The following ATP10A variants were observed in gnomAD, a reference collection of about 807,000 sequenced individuals.
ATP10A encodes the protein phospholipid-transporting ATPase VA.
In ATP10A, 111 loss-of-function variants were observed where a neutral mutation model predicts 147.8. That is an observed-to-expected ratio of 0.75 (90% CI 0.64 to 0.88). The LOEUF (loss-of-function observed/expected upper bound fraction) is 0.88. ATP10A is among the 40% of genes least tolerant of loss of function. ATP10A has a pLI of 0.00. For missense variants in ATP10A, 1,927 were observed against 1,959.0 expected, an observed-to-expected ratio of 0.98 and a Z score of 0.31; for synonymous variants, 875 against 841.6, an observed-to-expected ratio of 1.04 and a Z score of -0.69.
At position 25,702,073 on chromosome 15, in the gene ATP10A, T is replaced by C; in HGVS notation, c.2603A>G (p.Gln868Arg). 1 of 1,613,382 alleles carries C rather than the reference T, an allele frequency of 6.2e-7. No individual in the cohort carries two copies. The highest frequency in any genetic ancestry group is 2.2e-5 in the East Asian group (1 of 44,878). The change falls in exon 13 of 21, where the codon CAG becomes CGG. Residue 868 changes from glutamine (Q) to arginine (R), a missense_variant. Physicochemically the swap from Gln to Arg is conservative, Grantham distance 43. Transcript: ENST00000555815. ...AGAAATAGTTTCAGGGACTCCGTCC[T>C]GCAGGCGGTCTTCAATCCCAGTGGC... ...LGATGIEDRL[Q>R]DGVPETISKL...
At chr15:25,861,419 A>G (rs1240265010) in intron 1 of ATP10A, among the ~76,000 whole-genome samples, 1 of 152,136 alleles carries the variant, frequency 6.6e-6, no homozygotes, top group Non-Finnish European at 1.5e-5. Context: ...ACCTCTCTGA[A>G]CCCGTTTACT....
At chr15:25,830,019 A>G (rs1432871773) in intron 1 of ATP10A, among the ~76,000 whole-genome samples, 1 of 152,100 alleles carries the variant, frequency 6.6e-6, no homozygotes, top group Non-Finnish European at 1.5e-5. Context: ...TGGTTAGGGT[A>G]AGCTAGGAGG....
At position 25,787,981 on chromosome 15, in the gene ATP10A, C is replaced by T. The variant is rs139707200; in HGVS notation, c.450-6758G>A. Among the ~76,000 whole-genome samples the T allele has an allele frequency of 9.8e-4, 149 of 152,278 alleles. No homozygotes were observed. The East Asian group carries it at 0.025, about 25-fold the overall frequency. The stretch of plus-strand genomic sequence containing the variant: ...ACTTCCCTCTGGGCTAAACAAGCCA[C>T]TGAGAGAGTTCCCGCTAGGGCAGGG... On this transcript the variant is annotated intron_variant, in intron 1 of 20. Transcript: ENST00000555815.
At chr15:25,732,927 G>C (rs916089806) in intron 3 of ATP10A, among the ~76,000 whole-genome samples, 1 of 152,080 alleles carries the variant, frequency 6.6e-6, no homozygotes, top group Non-Finnish European at 1.5e-5. Context: ...CTGTGAGGTT[G>C]ACAGGCAGTC....
At chr15:25,767,578 G>A (rs1251247568) in intron 2 of ATP10A, among the ~76,000 whole-genome samples, 5 of 152,210 alleles carry the variant, frequency 3.3e-5, no homozygotes, top group South Asian at 2.1e-4. Flanking sequence ...TTATCTCAGC[G>A]TGGTGGTTCT....
At chr15:25,775,708 G>T (rs559609381) in intron 2 of ATP10A, among the ~76,000 whole-genome samples, 2 of 152,234 alleles carry the variant, frequency 1.3e-5, no homozygotes, top group African/African-American at 4.8e-5. Flanking sequence ...CTGGGATTGT[G>T]GGCACTCATC....
At chr15:25,832,305 GTAATCTGT>G (rs760653025) in intron 1 of ATP10A, among the ~76,000 whole-genome samples, 51 of 152,192 alleles carry the variant, frequency 3.4e-4, no homozygotes, top group Non-Finnish European at 6.6e-4. Flanking sequence ...CTGGTGTATG[GTAATCTGT>G]TATAGAAGCC....
At chr15:25,831,540 A>G (rs1182844679) in intron 1 of ATP10A, among the ~76,000 whole-genome samples, 2 of 152,338 alleles carry the variant, frequency 1.3e-5, no homozygotes, top group East Asian at 3.9e-4. Flanking sequence ...ATTCTTGGCA[A>G]TCAATGACAG....
rs147952372 is a variant in ATP10A at position 25,762,430 on chromosome 15, C to T, written c.654+18589G>A. 9.3e-4 allele frequency among the ~76,000 whole-genome samples: 141 copies of T among 152,172 alleles called. 1 individual carries two copies. The East Asian group carries it at 0.014, about 15-fold the overall frequency. ...TAGGTGGGACTACAGGAATGCACCA[C>T]CACGCCCGGCAAATTCGAAAGAAAA... On this transcript the variant is annotated intron_variant, in intron 2 of 20. Coordinates refer to ENST00000555815, the MANE Select transcript of ATP10A (RefSeq NM_024490.4).
Position 25,734,977 on chromosome 15 carries a change from G to A in ATP10A, c.740+1079C>T, listed in dbSNP as rs1466604459. Among the ~76,000 whole-genome samples the A allele has an allele frequency of 2.8e-5, 4 of 142,734 alleles. No homozygotes were observed. The East Asian group carries it at 8.4e-4, about 30-fold the overall frequency. The allele number at this position is 142,734 out of a possible 152,430, so 93.6% of individuals were successfully genotyped here. ...ACTTCCAGAAGCAGATCGCTCCCAC[G>A]CCTCCGTATGTCTGCGTGGTGGGAG... On this transcript the variant is annotated intron_variant, in intron 3 of 20. Transcript: ENST00000555815.
intron 1 of ATP10A, among the ~76,000 whole-genome samples, chr15:25,791,166 C>T (rs1437424614): frequency 2.6e-5 from 4 of 151,460 alleles, no homozygotes; most frequent in African/African-American, 9.7e-5. Flanking sequence ...CTGCAACCTC[C>T]GGCTTCTGGG....
chr15:25,797,651 C>A lies in ATP10A; in HGVS notation c.450-16428G>T, dbSNP rs182538074. Among the ~76,000 whole-genome samples the A allele has an allele frequency of 4.9e-3, 746 of 152,296 alleles. 5 individuals are homozygous for A. Among genetic ancestry groups the A allele is most frequent in the Middle Eastern group, 0.014 (4 of 294 alleles). ...GATCCTTGGGCCCCTCCTCGGGGGA[C>A]AGCCATCCAAGAAGGGCAGCCCAGC... On this transcript the variant is annotated intron_variant, in intron 1 of 20. Coordinates refer to ENST00000555815, the MANE Select transcript of ATP10A (RefSeq NM_024490.4).
intron 1 of ATP10A, 143 bp downstream of exon 1, chr15:25,862,505 G>C (rs1195099799): frequency 2.8e-6 from 3 of 1,055,542 alleles, no homozygotes; most frequent in Non-Finnish European, 4.0e-6. Flanking sequence ...TCGGCACCGG[G>C]TCCCGCGCAG....
intron 1 of ATP10A, among the ~76,000 whole-genome samples, chr15:25,814,953 T>C (rs114074438): frequency 0.01 from 1,548 of 152,250 alleles, 28 homozygotes; most frequent in African/African-American, 0.035. Flanking sequence ...GTGTACCTTA[T>C]AAATACGAAA....
At chr15:25,840,056 T>C (rs772533162) in intron 1 of ATP10A, among the ~76,000 whole-genome samples, 5 of 152,162 alleles carry the variant, frequency 3.3e-5, no homozygotes, top group African/African-American at 1.2e-4. Flanking sequence ...CACCCCCTCC[T>C]GCATCCCTAA....
intron 10 of ATP10A, among the ~76,000 whole-genome samples, chr15:25,713,437 C>G (rs1013798793): frequency 1.3e-5 from 2 of 152,170 alleles, no homozygotes; most frequent in Admixed American, 1.3e-4. Context: ...TATCCTCTGA[C>G]CCCCCAGTTC....
At chr15:25,799,811 C>A (rs922770277) in intron 1 of ATP10A, among the ~76,000 whole-genome samples, 18 of 152,092 alleles carry the variant, frequency 1.2e-4, no homozygotes, top group Admixed American at 6.5e-4. Context: ...GGAATCCAGT[C>A]CAAACACATC....
chr15:25,769,902 T>G (rs970012517), intron 2 of ATP10A, among the ~76,000 whole-genome samples: 2 of 152,144 alleles, frequency 1.3e-5, no homozygotes. Flanking sequence ...GTGACTGAGA[T>G]GGACCCTGAT....
intron 1 of ATP10A, among the ~76,000 whole-genome samples, chr15:25,818,000 T>C (rs1891736609): frequency 7.6e-6 from 1 of 131,704 alleles, no homozygotes. Context: ...CAGATGGTAG[T>C]GGGTTATCAG....
Sources: allele counts gnomAD v4.1 joint callset (sites outside exome capture counted in the v4.1 genomes callset), GRCh38; gene constraint gnomAD v4.1.1; transcripts MANE v1.5; gene names NCBI Gene and HGNC (gene_info 2026-07-23, HGNC 2026-07-21).